The following GRAMD1B variants were observed in gnomAD, a reference collection of about 807,000 sequenced individuals.
GRAMD1B encodes GRAM domain containing 1B, also known as protein Aster-B.
A neutral mutation model predicts 99.7 loss-of-function variants in GRAMD1B; 37 were observed. That is an observed-to-expected ratio of 0.37 (90% CI 0.29 to 0.49). The LOEUF (loss-of-function observed/expected upper bound fraction) is 0.49, where lower values mean the gene tolerates loss of function less well. Among genes scored for constraint, GRAMD1B ranks in the 20% least tolerant of loss-of-function variants. The pLI, the probability that GRAMD1B is intolerant of heterozygous loss-of-function variation, is 0.98. For synonymous variants in GRAMD1B, 427 were observed against 387.6 expected, an observed-to-expected ratio of 1.10 and a Z score of -1.19; for missense variants, 888 against 1,009.2, an observed-to-expected ratio of 0.88 and a Z score of 1.63.
At chr11:123,567,042 G>A (rs571344714) in intron 2 of GRAMD1B, among the ~76,000 whole-genome samples, 4 of 152,192 alleles carry the variant, frequency 2.6e-5, no homozygotes, top group Non-Finnish European at 5.9e-5. Flanking sequence ...TATATGGAGT[G>A]GCCCTTCAAG....
At chr11:123,608,507 C>CA (rs1301517132) in intron 11 of GRAMD1B, 152 bp from the exon 12 acceptor site, 1 of 1,537,912 alleles carries the variant, frequency 6.5e-7, no homozygotes, top group Admixed American at 2.0e-5. Flanking sequence ...AAACCATGCC[C>CA]ACGAGCTCAG....
intron 7 of GRAMD1B, chr11:123,598,803 A>T: frequency 9.5e-7 from 1 of 1,053,002 alleles, no homozygotes; most frequent in Non-Finnish European, 1.5e-6. Flanking sequence ...TTTCTTCTCA[A>T]ATTCAGCCTG....
intron 1 of GRAMD1B, among the ~76,000 whole-genome samples, chr11:123,374,899 G>C (rs1946642727): frequency 6.6e-6 from 1 of 152,132 alleles, no homozygotes; most frequent in African/African-American, 2.4e-5. Flanking sequence ...TTTCAACAAA[G>C]CATGTTCATT....
intron 17 of GRAMD1B, chr11:123,618,271 A>G: frequency 8.0e-7 from 1 of 1,242,540 alleles, no homozygotes; most frequent in Non-Finnish European, 1.2e-6. Context: ...TTTTCAGTGC[A>G]GGTTTCCCCT....
rs1798320980 is a variant in GRAMD1B at position 123,614,777 on chromosome 11, A to G, written c.2260A>G (p.Thr754Ala). Residue 754 changes from threonine (T) to alanine (A), a missense_variant, in exon 17 of 20, where the codon ACC becomes GCC. Physicochemically the swap from Thr to Ala is moderately conservative, Grantham distance 58 (BLOSUM62 0). Coordinates refer to ENST00000635736, the MANE Select transcript of GRAMD1B (RefSeq NM_001387025.1). ...STQTRHIPED[T>A]PNGFHLQSVS... is the part of the protein sequence containing the mutation. Reference sequence around the variant, plus strand: ...ACAGACGCGGCATATCCCGGAGGACACCCCCAACGGTTTCCACCTGCAGAG... The same window carrying G: ...ACAGACGCGGCATATCCCGGAGGACGCCCCCAACGGTTTCCACCTGCAGAG... 6.2e-7 allele frequency: 1 copy of G among 1,612,092 alleles called. No homozygotes were observed.
chr11:123,515,304 A>G (rs748398328), intron 2 of GRAMD1B, among the ~76,000 whole-genome samples: 9 of 152,204 alleles, frequency 5.9e-5, no homozygotes, highest in Non-Finnish European at 1.0e-4. Flanking sequence ...TTCAGAAACA[A>G]TGAGAAATTT....
chr11:123,568,545 C>A (rs1235602339), intron 2 of GRAMD1B, among the ~76,000 whole-genome samples: 1 of 152,232 alleles, frequency 6.6e-6, no homozygotes, highest in Non-Finnish European at 1.5e-5. Context: ...CAAGATGTTG[C>A]CCTTGCAGCG....
Position 123,480,884 on chromosome 11 carries a change from G to T in GRAMD1B, c.443G>T (p.Arg148Leu). The T allele has an allele frequency of 2.5e-6, 1 of 398,354 alleles. No individual in the cohort carries two copies. The highest frequency in any genetic ancestry group is 4.4e-6 in the Non-Finnish European group (1 of 226,182). The allele number at this position is 398,354 out of a possible 1,614,324, so 24.7% of individuals were successfully genotyped here. The change falls in exon 2 of 20, where the codon CGG (arginine) becomes CTG (leucine). Residue 148 changes from arginine (R) to leucine (L), a missense_variant. By Grantham distance (102) the Arg-to-Leu change is moderately radical. Coordinates refer to ENST00000635736, the MANE Select transcript of GRAMD1B (RefSeq NM_001387025.1). ...AGCAGGTTCCTGAGTCCTCGAGCGCGGGAAGAAAGGTAAGGTCCAACTCCG... is the reference window on the plus strand; with the variant it reads ...AGCAGGTTCCTGAGTCCTCGAGCGCTGGAAGAAAGGTAAGGTCCAACTCCG... ...DSSRFLSPRA[R>L]EESTASNSNR...
rs529762981 is a variant in GRAMD1B at position 123,607,321 on chromosome 11, G to A, written c.1513+523G>A. ...TAGCTTCTAACTTCATGCCTGCATA[G>A]GATTAGCTTCTAGAACCTCCCTTGG... On this transcript the variant is annotated intron_variant, in intron 11 of 19. Coordinates refer to ENST00000635736, the MANE Select transcript of GRAMD1B (RefSeq NM_001387025.1). 2.6e-5 allele frequency among the ~76,000 whole-genome samples: 4 copies of A among 152,344 alleles called. No individual in the cohort carries two copies. The Middle Eastern group carries it at 0.01, about 389-fold the overall frequency.
At chr11:123,619,559 CT>C in intron 19 of GRAMD1B, 1 of 1,180,424 alleles carries the variant, frequency 8.5e-7, no homozygotes, top group Non-Finnish European at 1.1e-6. Flanking sequence ...CCCCTCAGCC[CT>C]TTTACAGAGA....
intron 2 of GRAMD1B, among the ~76,000 whole-genome samples, chr11:123,522,858 T>TA (rs1706170507): frequency 6.6e-6 from 1 of 152,248 alleles, no homozygotes; most frequent in African/African-American, 2.4e-5. Flanking sequence ...TTTTAACTGT[T>TA]ACCTGGATTC....
At chr11:123,560,559 G>A in intron 2 of GRAMD1B, 1 of 885,264 alleles carries the variant, frequency 1.1e-6, no homozygotes, top group Non-Finnish European at 1.6e-6. Flanking sequence ...CAGGGCCCCC[G>A]CTCCCCGCCC....
chr11:123,570,101 T>C (rs556320602), intron 2 of GRAMD1B, among the ~76,000 whole-genome samples: 2 of 152,354 alleles, frequency 1.3e-5, no homozygotes, highest in Admixed American at 6.5e-5. Context: ...TTGGCAGATA[T>C]GTCACTCACT....
intron 1 of GRAMD1B, among the ~76,000 whole-genome samples, chr11:123,369,085 G>A: frequency 6.6e-6 from 1 of 152,126 alleles, no homozygotes. Context: ...ACTTGAGGCT[G>A]GGAGTTTAAG....
rs1376887946 is a variant in GRAMD1B, at chr11:123,510,920, A to G, written c.452+30027A>G. On this transcript the variant is annotated intron_variant, in intron 2 of 19. Transcript: ENST00000635736. This position sits in a 1 kb window ranked among gnomAD's most constrained non-coding sequence, Gnocchi z 4.3. ...CATGCCCCACCTTGGTGTGCTTGGA[A>G]GTCGGAGTGGGTGGATGAGGGGTGC... Among the ~76,000 whole-genome samples, 1 of 152,128 alleles carries G rather than the reference A, an allele frequency of 6.6e-6. No homozygotes were observed. Among genetic ancestry groups the G allele is most frequent in the Non-Finnish European group, 1.5e-5 (1 of 68,004 alleles).
chr11:123,475,388 C>G (rs1262756734), intron 1 of GRAMD1B, among the ~76,000 whole-genome samples: 2 of 152,198 alleles, frequency 1.3e-5, no homozygotes, highest in African/African-American at 4.8e-5. Flanking sequence ...AACCAGGATT[C>G]TGCTTCAGCT....
chr11:123,579,369 C>G (rs2136257728), intron 3 of GRAMD1B, among the ~76,000 whole-genome samples: 1 of 152,284 alleles, frequency 6.6e-6, no homozygotes, highest in East Asian at 1.9e-4. Flanking sequence ...AAGGGAAGCA[C>G]AAGGGGCGAC....
At chr11:123,599,860 C>T (rs964553905) in intron 7 of GRAMD1B, among the ~76,000 whole-genome samples, 2 of 152,186 alleles carry the variant, frequency 1.3e-5, no homozygotes, top group African/African-American at 4.8e-5. Flanking sequence ...TATTAGTTGT[C>T]AGCTTTGTTT....
chr11:123,452,287 G>GT (rs1565510091), intron 1 of GRAMD1B, among the ~76,000 whole-genome samples: 1 of 152,240 alleles, frequency 6.6e-6, no homozygotes, highest in Admixed American at 6.5e-5. Context: ...GAGGACAGCA[G>GT]TAACTGTTAC....
Sources: allele counts gnomAD v4.1 joint callset (sites outside exome capture counted in the v4.1 genomes callset), GRCh38; gene constraint gnomAD v4.1.1; non-coding constraint Gnocchi (gnomAD v3.1); transcripts MANE v1.5; gene names NCBI Gene and HGNC (gene_info 2026-07-23, HGNC 2026-07-21).